The following RIN3 variants were observed in gnomAD, a reference collection of about 807,000 sequenced individuals.
RIN3 encodes Ras and Rab interactor 3.
A neutral mutation model predicts 76.3 loss-of-function variants in RIN3; 54 were observed. The observed-to-expected ratio is 0.71, with a 90% CI of 0.57 to 0.89. The LOEUF is 0.89. Among genes scored for constraint, RIN3 ranks in the 40% least tolerant of loss-of-function variants. The pLI is 0.00. For missense variants in RIN3, 1,256 were observed against 1,322.1 expected, an observed-to-expected ratio of 0.95 and a Z score of 0.78; for synonymous variants, 576 against 564.0, an observed-to-expected ratio of 1.02 and a Z score of -0.30.
At chr14:92,572,989 C>T (rs1352860842) in intron 2 of RIN3, among the ~76,000 whole-genome samples, 4 of 140,316 alleles carry the variant, frequency 2.9e-5, no homozygotes, top group African/African-American at 1.1e-4. Context: ...TGAAGCTATT[C>T]TTCTGCCTCA....
intron 7 of RIN3, among the ~76,000 whole-genome samples, chr14:92,672,659 CAT>C (rs1491205606): frequency 2.9e-5 from 3 of 105,002 alleles, no homozygotes; most frequent in Non-Finnish European, 4.3e-5. Context: ...TATGTGTGTG[CAT>C]GTGTGTGTGT....
At chr14:92,586,641 T>C (rs1321148971) in intron 3 of RIN3, 1 of 152,220 alleles carries the variant, frequency 6.6e-6, no homozygotes. Flanking sequence ...GCTTTCTCTG[T>C]GTTATTGAAC....
chr14:92,641,119 C>T (rs551856275), intron 4 of RIN3, 119 bp from the exon 5 acceptor site: 14 of 759,242 alleles, frequency 1.8e-5, no homozygotes, highest in South Asian at 4.7e-5. Flanking sequence ...TCCAGGGAAG[C>T]TTCCAGGCTG....
At chr14:92,672,465 C>T (rs11627586) in intron 7 of RIN3, among the ~76,000 whole-genome samples, 21,892 of 152,160 alleles carry the variant, frequency 0.14, 2,053 homozygotes, top group Middle Eastern at 0.21. Context: ...AGGAAAGCAA[C>T]CACTAGTCTC....
At chr14:92,609,875 GTGTGTGTGTGTATGTA>G (rs1436296779) in intron 3 of RIN3, among the ~76,000 whole-genome samples, 7 of 51,224 alleles carry the variant, frequency 1.4e-4, no homozygotes, top group South Asian at 1.7e-3. Flanking sequence ...GTGTGTGTGT[GTGTGTGTGTGTATGTA>G]TGTGTGTTTC....
chr14:92,665,720 GTT>G (rs34989567), intron 7 of RIN3, among the ~76,000 whole-genome samples: 1 of 149,554 alleles, frequency 6.7e-6, no homozygotes, highest in Admixed American at 6.8e-5. Context: ...GAAGGATACT[GTT>G]TTTTTTCCCC....
At chr14:92,538,235 C>CT (rs1421168096) in intron 1 of RIN3, among the ~76,000 whole-genome samples, 1 of 152,236 alleles carries the variant, frequency 6.6e-6, no homozygotes, top group Admixed American at 6.5e-5. Context: ...TCCCAAAGTG[C>CT]TGGGATTACA....
At chr14:92,571,066 G>A (rs539167402) in intron 2 of RIN3, among the ~76,000 whole-genome samples, 12 of 152,310 alleles carry the variant, frequency 7.9e-5, no homozygotes, top group African/African-American at 2.2e-4. Context: ...AGTCTTGGCC[G>A]GTCAAAGGTG....
intron 2 of RIN3, chr14:92,576,181 T>C: frequency 8.2e-7 from 1 of 1,223,780 alleles, no homozygotes; most frequent in South Asian, 1.4e-5. Context: ...TTCCAGAAGG[T>C]GTCACCTGCC....
chr14:92,616,490 T>G (rs1178446784), intron 4 of RIN3, among the ~76,000 whole-genome samples: 4 of 152,234 alleles, frequency 2.6e-5, no homozygotes, highest in Non-Finnish European at 1.5e-5. Flanking sequence ...ATCAGCCTTA[T>G]GTTCCCTGCC....
intron 3 of RIN3, among the ~76,000 whole-genome samples, chr14:92,599,542 G>A (rs1477935564): frequency 6.6e-6 from 1 of 152,174 alleles, no homozygotes; most frequent in Non-Finnish European, 1.5e-5. Context: ...AGCAAGGGAC[G>A]CAGTGAGCGT....
chr14:92,553,802 A>G (rs544827978), intron 1 of RIN3, among the ~76,000 whole-genome samples: 9 of 152,058 alleles, frequency 5.9e-5, no homozygotes, highest in Non-Finnish European at 1.3e-4. Flanking sequence ...AGTTCTCTCG[A>G]AAACCACTGC....
intron 4 of RIN3, among the ~76,000 whole-genome samples, chr14:92,636,088 G>T (rs566280026): frequency 1.3e-5 from 2 of 152,334 alleles, no homozygotes; most frequent in East Asian, 3.9e-4. Context: ...TGCGAGATGA[G>T]TGTAAGGAAA....
At chr14:92,660,512 A>C (rs1887844387) in intron 7 of RIN3, among the ~76,000 whole-genome samples, 1 of 152,102 alleles carries the variant, frequency 6.6e-6, no homozygotes, top group South Asian at 2.1e-4. Context: ...GATGGGGATG[A>C]CTGAGCCACG....
At chr14:92,534,936 G>C (rs1406595280) in intron 1 of RIN3, among the ~76,000 whole-genome samples, 1 of 152,184 alleles carries the variant, frequency 6.6e-6, no homozygotes, top group African/African-American at 2.4e-5. Context: ...TGCAAAGAAG[G>C]AGAAAGAAAT....
At chr14:92,659,813 T>C (rs988735521) in intron 7 of RIN3, among the ~76,000 whole-genome samples, 2 of 152,208 alleles carry the variant, frequency 1.3e-5, no homozygotes, top group African/African-American at 2.4e-5. Context: ...ACATATTGTC[T>C]CACAGTTTTG....
chr14:92,647,752 G>T (rs960290508), intron 5 of RIN3, among the ~76,000 whole-genome samples: 1 of 152,188 alleles, frequency 6.6e-6, no homozygotes. Context: ...AAGCTCCCCA[G>T]GGGTAGAGTC....
intron 2 of RIN3, among the ~76,000 whole-genome samples, chr14:92,559,386 C>T (rs1297447714): frequency 6.6e-6 from 1 of 152,212 alleles, no homozygotes; most frequent in Non-Finnish European, 1.5e-5. Context: ...TGAACCCAGG[C>T]CTGGCTAGGC....
At chr14:92,673,161 C>T (rs1476868593) in intron 7 of RIN3, among the ~76,000 whole-genome samples, 2 of 152,020 alleles carry the variant, frequency 1.3e-5, no homozygotes, top group Admixed American at 1.3e-4. Context: ...TCTCATAACC[C>T]GGTCTCAAAA....
Sources: gnomAD v4.1 joint callset for allele counts (sites outside exome capture counted in the v4.1 genomes callset) on GRCh38, gnomAD v4.1.1 for gene constraint, MANE v1.5 for transcripts, NCBI Gene and HGNC (gene_info 2026-07-23, HGNC 2026-07-21) for gene names.